CACNA2D3: variants seen among roughly 807,000 people sequenced by gnomAD.
The protein encoded by CACNA2D3 is voltage-dependent calcium channel subunit alpha-2/delta-3.
Under a neutral mutation model 160.6 loss-of-function variants are expected in CACNA2D3, and 60 were observed. The ratio of observed to expected loss-of-function variants is 0.37; its 90% CI spans 0.30 to 0.46. The LOEUF (loss-of-function observed/expected upper bound fraction) is 0.46, where lower values mean the gene tolerates loss of function less well. CACNA2D3 is among the 20% of genes least tolerant of loss of function. The pLI is 1.00. For missense variants in CACNA2D3, 1,205 were observed against 1,365.0 expected, an observed-to-expected ratio of 0.88 and a Z score of 1.85; for synonymous variants, 558 against 492.9, an observed-to-expected ratio of 1.13 and a Z score of -1.75.
At chr3:54,131,961 C>G (rs1467808750) in intron 2 of CACNA2D3, among the ~76,000 whole-genome samples, 2 of 149,414 alleles carry the variant, frequency 1.3e-5, no homozygotes, top group African/African-American at 4.9e-5. Context: ...TTGTTTGAGG[C>G]AGAGGTGGAA....
chr3:54,155,538 A>G (rs1011750415), intron 2 of CACNA2D3, among the ~76,000 whole-genome samples: 12 of 152,220 alleles, frequency 7.9e-5, no homozygotes, highest in Non-Finnish European at 1.8e-4. Context: ...ATAAAGAAGA[A>G]CAAGTGAGTA....
At chr3:55,066,731 G>T (rs1489956832) in intron 35 of CACNA2D3, among the ~76,000 whole-genome samples, 1 of 152,148 alleles carries the variant, frequency 6.6e-6, no homozygotes, top group Non-Finnish European at 1.5e-5. Context: ...CATCAAAATT[G>T]CTTCCCTCTC....
intron 6 of CACNA2D3, among the ~76,000 whole-genome samples, chr3:54,566,604 A>C (rs913769372): frequency 6.6e-6 from 1 of 152,212 alleles, no homozygotes; most frequent in South Asian, 2.1e-4. Flanking sequence ...GTGTCTATAC[A>C]TCACAGACAG....
At chr3:54,460,344 G>T (rs1414712219) in intron 4 of CACNA2D3, among the ~76,000 whole-genome samples, 3 of 152,160 alleles carry the variant, frequency 2.0e-5, no homozygotes, top group Non-Finnish European at 2.9e-5. Flanking sequence ...GGATGGCATT[G>T]AATCTATAAG....
At chr3:54,253,416 A>T (rs1033508946) in intron 2 of CACNA2D3, among the ~76,000 whole-genome samples, 1 of 152,166 alleles carries the variant, frequency 6.6e-6, no homozygotes, top group African/African-American at 2.4e-5. Flanking sequence ...GGCAGGTCAC[A>T]TGGCTGGAGC....
intron 4 of CACNA2D3, among the ~76,000 whole-genome samples, chr3:54,409,021 G>A (rs1259515368): frequency 6.6e-6 from 1 of 152,156 alleles, no homozygotes; most frequent in African/African-American, 2.4e-5. Flanking sequence ...TGATTGTTCT[G>A]CAACCTTTAT....
At chr3:54,536,842 A>G (rs1025851816) in intron 5 of CACNA2D3, among the ~76,000 whole-genome samples, 1 of 152,186 alleles carries the variant, frequency 6.6e-6, no homozygotes, top group Non-Finnish European at 1.5e-5. Flanking sequence ...AGCAGCTGCC[A>G]TGCATCAAGT....
chr3:54,657,680 TCCA>T lies in CACNA2D3; in HGVS notation c.1167+15440_1167+15442del, dbSNP rs370827284. Among the ~76,000 whole-genome samples the T allele has an allele frequency of 6.6e-5, 10 of 152,316 alleles. 1 individual carries two copies. The highest frequency in any genetic ancestry group is 2.4e-4 in the African/African-American group (10 of 41,570). The stretch of plus-strand genomic sequence containing the variant: ...CTTTGCATAATGTCTTCCAGGTCCA[TCCA>T]TGTTGTAAATGGTAGGATTTCCTTC... On this transcript the variant is annotated intron_variant, in intron 11 of 37. Coordinates refer to ENST00000474759, the MANE Select transcript of CACNA2D3 (RefSeq NM_018398.3).
intron 35 of CACNA2D3, among the ~76,000 whole-genome samples, chr3:55,055,410 T>G (rs1325390150): frequency 2.6e-5 from 4 of 152,100 alleles, no homozygotes; most frequent in Non-Finnish European, 5.9e-5. Context: ...ATAGATGTGT[T>G]TATTTCTTTG....
At chr3:54,471,141 A>AT (rs2106873660) in intron 4 of CACNA2D3, among the ~76,000 whole-genome samples, 1 of 152,328 alleles carries the variant, frequency 6.6e-6, no homozygotes, top group South Asian at 2.1e-4. Context: ...TTATTCTAAA[A>AT]TTGACTATGT....
At chr3:54,942,683 GT>G (rs1559639169) in intron 27 of CACNA2D3, among the ~76,000 whole-genome samples, 1 of 152,010 alleles carries the variant, frequency 6.6e-6, no homozygotes, top group African/African-American at 2.4e-5. Flanking sequence ...GAGGACAGGA[GT>G]TTGAGACCAG....
At chr3:54,445,185 G>A (rs1700202273) in intron 4 of CACNA2D3, among the ~76,000 whole-genome samples, 1 of 152,242 alleles carries the variant, frequency 6.6e-6, no homozygotes, top group Non-Finnish European at 1.5e-5. Flanking sequence ...CCCCTCTAAG[G>A]TGGGCCACCA....
At chr3:54,653,781 G>A (rs895646711) in intron 11 of CACNA2D3, among the ~76,000 whole-genome samples, 1 of 152,180 alleles carries the variant, frequency 6.6e-6, no homozygotes, top group Non-Finnish European at 1.5e-5. Flanking sequence ...GGAAACTGTG[G>A]TTTCTCTTCC....
Position 54,401,478 on chromosome 3 carries a change from A to G in CACNA2D3, c.381+14704A>G, listed in dbSNP as rs553905592. On this transcript the variant is annotated intron_variant, in intron 4 of 37. Transcript: ENST00000474759. ...TTAAACTATCAAAAGTCAATGACAA[A>G]GAGATAATTTTAAAAGAACAAGAGA... 2.6e-5 allele frequency among the ~76,000 whole-genome samples: 4 copies of G among 152,300 alleles called. No homozygotes were observed. In the South Asian group the frequency reaches 8.3e-4, roughly 32 times the overall value.
At chr3:54,716,067 C>T (rs1701045315) in intron 11 of CACNA2D3, among the ~76,000 whole-genome samples, 1 of 152,282 alleles carries the variant, frequency 6.6e-6, no homozygotes, top group South Asian at 2.1e-4. Context: ...CATTGCGTAT[C>T]TTGAATATAT....
At position 54,315,110 on chromosome 3, in the gene CACNA2D3, A is replaced by AT. The variant is rs200324237; in HGVS notation, c.205-5327dup. Reference sequence around the variant, plus strand: ...AGGAGGAGAAGGAAGAATTTTAGGTATTTTTCCTCCAGGTCTTTCTTGGTA... The same window carrying AT: ...AGGAGGAGAAGGAAGAATTTTAGGTATTTTTTCCTCCAGGTCTTTCTTGGTA... On this transcript the variant is annotated intron_variant, in intron 2 of 37. Transcript: ENST00000474759. 1.9e-3 allele frequency among the ~76,000 whole-genome samples: 294 copies of AT among 152,268 alleles called. 2 individuals are homozygous for AT. In the East Asian group the frequency reaches 0.02, roughly 11 times the overall value.
intron 13 of CACNA2D3, among the ~76,000 whole-genome samples, chr3:54,814,143 A>G (rs931895145): frequency 6.6e-6 from 1 of 152,182 alleles, no homozygotes; most frequent in African/African-American, 2.4e-5. Context: ...TTCTGGGATC[A>G]CAGGTGTGAG....
In CACNA2D3 at chr3:54,852,527, G is replaced by C. The variant is rs183997209; in HGVS notation, c.1626+6060G>C. On this transcript the variant is annotated intron_variant, in intron 17 of 37. Transcript: ENST00000474759. ...TTTAATATTGCTGTTTCCACCACCA[G>C]CTCTCCACAGCCTGGGTTCCAGGAT... is the stretch of plus-strand genomic sequence containing the variant. Among the ~76,000 whole-genome samples, 7 of 152,274 alleles carry C rather than the reference G, an allele frequency of 4.6e-5. No individual in the cohort carries two copies. In the East Asian group the frequency reaches 1.2e-3, roughly 25 times the overall value.
At chr3:54,123,125 C>T (rs1450824349) in intron 1 of CACNA2D3, among the ~76,000 whole-genome samples, 1 of 151,436 alleles carries the variant, frequency 6.6e-6, no homozygotes, top group Non-Finnish European at 1.5e-5. Context: ...TGAATTTCCC[C>T]CCTCTTTGCT....
Sources: allele counts gnomAD v4.1 joint callset (sites outside exome capture counted in the v4.1 genomes callset), GRCh38; gene constraint gnomAD v4.1.1; transcripts MANE v1.5; gene names NCBI Gene and HGNC (gene_info 2026-07-23, HGNC 2026-07-21).